The following CAST variants were observed in gnomAD, a reference collection of about 807,000 sequenced individuals.
The protein encoded by CAST is MIR583 host.
CAST carries 76 observed loss-of-function variants against 119.6 expected under a neutral mutation model. That is an observed-to-expected ratio of 0.64 (90% CI 0.53 to 0.77). The LOEUF (loss-of-function observed/expected upper bound fraction) is 0.77. Among genes scored for constraint, CAST ranks in the 30% least tolerant of loss-of-function variants. The pLI is 0.00. For synonymous variants in CAST, 319 were observed against 331.6 expected (o/e 0.96, Z 0.41); for missense variants, 953 against 946.5 (o/e 1.01, Z -0.09).
chr5:96,292,049 C>T, the CAST span, among the ~76,000 whole-genome samples: 17 of 152,064 alleles, frequency 1.1e-4, no homozygotes, highest in African/African-American at 3.9e-4. Context: ...TCACCCTTCT[C>T]CTTAGGATTA....
the CAST span, among the ~76,000 whole-genome samples, chr5:96,196,670 C>T: frequency 1.1e-4 from 17 of 151,930 alleles, no homozygotes; most frequent in Non-Finnish European, 2.1e-4. Context: ...AGTGAAGCAC[C>T]GTTACAATAA....
chr5:96,023,317 G>A, the CAST span, among the ~76,000 whole-genome samples: 1 of 152,118 alleles, frequency 6.6e-6, no homozygotes, highest in African/African-American at 2.4e-5. Flanking sequence ...GTGGGGTCAG[G>A]GTGAAAGGCA....
intron 1 of CAST, among the ~76,000 whole-genome samples, chr5:96,570,895 A>C (rs1746555786): frequency 6.6e-6 from 1 of 152,326 alleles, no homozygotes; most frequent in Non-Finnish European, 1.5e-5. Context: ...AGACCAAGCA[A>C]TCCAATGTGA....
the CAST span, among the ~76,000 whole-genome samples, chr5:96,032,073 G>A: frequency 6.6e-6 from 1 of 152,130 alleles, no homozygotes; most frequent in Non-Finnish European, 1.5e-5. Flanking sequence ...CAGAGTGAGT[G>A]CCCTAACCTT....
chr5:96,002,792 A>C, the CAST span, among the ~76,000 whole-genome samples: 1 of 152,370 alleles, frequency 6.6e-6, no homozygotes, highest in East Asian at 1.9e-4. Context: ...TAAAAATGCA[A>C]GGCTGCTCTG....
chr5:96,039,221 TTTGC>T, the CAST span, among the ~76,000 whole-genome samples: 1 of 152,186 alleles, frequency 6.6e-6, no homozygotes, highest in Admixed American at 6.5e-5. Context: ...GATGGGGTTG[TTTGC>T]TTTTTTCTTG....
chr5:96,237,639 A>G, the CAST span, among the ~76,000 whole-genome samples: 7 of 152,082 alleles, frequency 4.6e-5, no homozygotes, highest in Admixed American at 6.5e-5. Flanking sequence ...GTTTGTCTAT[A>G]TCTTCTTAAT....
chr5:96,077,279 T>G, the CAST span, among the ~76,000 whole-genome samples: 1 of 152,210 alleles, frequency 6.6e-6, no homozygotes, highest in Admixed American at 6.5e-5. Context: ...TGGTTAAGAT[T>G]ACGAACATCT....
the CAST span, among the ~76,000 whole-genome samples, chr5:96,414,511 G>A: frequency 6.6e-6 from 1 of 152,182 alleles, no homozygotes; most frequent in Non-Finnish European, 1.5e-5. Context: ...TATAATATTT[G>A]TAGAGTAACT....
the CAST span, among the ~76,000 whole-genome samples, chr5:96,190,403 T>A: frequency 6.6e-6 from 1 of 152,124 alleles, no homozygotes; most frequent in Non-Finnish European, 1.5e-5. Context: ...GTCTTCACTC[T>A]CCCTGACTCT....
chr5:96,684,200 C>T (rs1356548778), intron 2 of CAST, among the ~76,000 whole-genome samples: 3 of 152,122 alleles, frequency 2.0e-5, no homozygotes, highest in Non-Finnish European at 4.4e-5. Flanking sequence ...ACATAAGAGT[C>T]AATGTGAAGA....
At chr5:96,580,936 T>C (rs2607164) in intron 1 of CAST, among the ~76,000 whole-genome samples, 4,899 of 152,316 alleles carry the variant, frequency 0.032, 109 homozygotes, top group South Asian at 0.11. Flanking sequence ...GAAGCTCAAT[T>C]GTCCCTTGCT....
At chr5:96,344,374 T>G in the CAST span, among the ~76,000 whole-genome samples, 767 of 152,272 alleles carry the variant, frequency 5.0e-3, 4 homozygotes, top group African/African-American at 0.017. Flanking sequence ...TTTTTTCTCA[T>G]GTACTAATGG....
At chr5:96,316,972 G>C in the CAST span, among the ~76,000 whole-genome samples, 5,628 of 152,124 alleles carry the variant, frequency 0.037, 387 homozygotes, top group African/African-American at 0.13. Flanking sequence ...GGGAATGGTT[G>C]GCCTTAAAAG....
chr5:96,746,226 A>C, intron 16 of CAST, 116 bp from the exon 17 acceptor site: 1 of 689,422 alleles, frequency 1.5e-6, no homozygotes, highest in South Asian at 1.7e-5. Context: ...GCTCTTCCAG[A>C]TGCTTTTACC....
intron 9 of CAST, 72 bp from the exon 10 acceptor site, chr5:96,736,100 T>C: frequency 2.2e-6 from 2 of 909,312 alleles, no homozygotes; most frequent in Non-Finnish European, 3.5e-6. Context: ...AATGAATTTA[T>C]TTTAAAATTT....
intron 3 of CAST, among the ~76,000 whole-genome samples, chr5:96,715,741 A>G (rs981168484): frequency 6.6e-6 from 1 of 152,322 alleles, no homozygotes; most frequent in African/African-American, 2.4e-5. Flanking sequence ...CTTCCAAACC[A>G]GCACCTCAGA....
chr5:96,328,440 A>C, the CAST span, among the ~76,000 whole-genome samples: 1 of 143,972 alleles, frequency 6.9e-6, no homozygotes, highest in Non-Finnish European at 1.5e-5. Context: ...TCCTTGTGAC[A>C]TGGCTATAGA....
At chr5:96,600,254 G>A (rs978230938) in intron 1 of CAST, among the ~76,000 whole-genome samples, 1 of 152,212 alleles carries the variant, frequency 6.6e-6, no homozygotes, top group African/African-American at 2.4e-5. Flanking sequence ...CAAACACACA[G>A]TCTAATATAG....
Sources: allele counts gnomAD v4.1 joint callset (sites outside exome capture counted in the v4.1 genomes callset), GRCh38; gene constraint gnomAD v4.1.1; transcripts MANE v1.5; gene names NCBI Gene and HGNC (gene_info 2026-07-23, HGNC 2026-07-21).